The following SND1 variants were observed in gnomAD, a reference collection of about 807,000 sequenced individuals.
SND1 encodes the protein staphylococcal nuclease domain-containing protein 1.
SND1 carries 38 observed loss-of-function variants against 121.7 expected under a neutral mutation model. The observed-to-expected ratio is 0.31, with a 90% CI of 0.24 to 0.41. The LOEUF (loss-of-function observed/expected upper bound fraction) is 0.41. Ranked by LOEUF, SND1 falls within the 10% of genes least tolerant of loss-of-function variation. The pLI, the probability that SND1 is intolerant of heterozygous loss-of-function variation, is 1.00. For missense variants in SND1, 868 were observed against 1,184.6 expected, an observed-to-expected ratio of 0.73 and a Z score of 3.92; for synonymous variants, 401 against 447.4, an observed-to-expected ratio of 0.90 and a Z score of 1.31.
At chr7:127,807,677 C>T in intron 11 of SND1, 104 bp downstream of exon 11, 3 of 830,910 alleles carry the variant, frequency 3.6e-6, no homozygotes, top group Non-Finnish European at 6.2e-6. Context: ...GATGACACTT[C>T]TCCATCAAGT....
chr7:128,055,099 G>T (rs952579399), intron 16 of SND1, among the ~76,000 whole-genome samples: 1 of 152,134 alleles, frequency 6.6e-6, no homozygotes, highest in Non-Finnish European at 1.5e-5. Context: ...TATAAACTTC[G>T]TGGTTTTGTT....
chr7:127,903,241 C>T (rs1270549488), intron 13 of SND1, among the ~76,000 whole-genome samples: 1 of 151,910 alleles, frequency 6.6e-6, no homozygotes, highest in Non-Finnish European at 1.5e-5. Context: ...CCAGACTGGT[C>T]TCGAACTCCT....
At chr7:127,910,287 CA>C (rs1334894638) in intron 14 of SND1, among the ~76,000 whole-genome samples, 1 of 151,606 alleles carries the variant, frequency 6.6e-6, no homozygotes, top group African/African-American at 2.4e-5. Context: ...TAAAAAATAC[CA>C]AAAAAATTAG....
In SND1 at chr7:128,087,040, G is replaced by T. The variant is rs1198546040; in HGVS notation, c.2407G>T (p.Val803Leu). Residue 803 changes from valine (V) to leucine (L), a missense_variant, in exon 21 of 24, where the codon GTG (valine) becomes TTG (leucine). Physicochemically the swap from Val to Leu is conservative, Grantham distance 32. Around this residue, in one of 2 missense-constraint regions of SND1, gnomAD observed 743 missense variants for 1,071.3 expected, o/e 0.69. Transcript: ENST00000354725. ...ATEYAFAFIQ[V>L]PQDDDARTDA... Reference sequence around the variant, plus strand: ...GGAGTATGCCTTCGCCTTCATCCAGGTGCCCCAAGATGTGAGTCTGGAGTC... The same window carrying T: ...GGAGTATGCCTTCGCCTTCATCCAGTTGCCCCAAGATGTGAGTCTGGAGTC... 1 of 1,613,904 alleles carries T rather than the reference G, an allele frequency of 6.2e-7. No homozygotes were observed. The highest frequency in any genetic ancestry group is 2.2e-5 in the East Asian group (1 of 44,882).
chr7:127,848,874 G>A (rs1003419484), intron 12 of SND1, among the ~76,000 whole-genome samples: 5 of 152,094 alleles, frequency 3.3e-5, no homozygotes, highest in African/African-American at 1.2e-4. Context: ...GGAAGGAGTC[G>A]CATCACAGGA....
chr7:127,752,882 G>A (rs990490185), intron 10 of SND1, among the ~76,000 whole-genome samples: 4 of 152,194 alleles, frequency 2.6e-5, no homozygotes, highest in Non-Finnish European at 5.9e-5. Flanking sequence ...GCCAGGTTAT[G>A]TTTACTGACC....
At chr7:127,837,575 G>A (rs370831736) in intron 11 of SND1, among the ~76,000 whole-genome samples, 2 of 152,180 alleles carry the variant, frequency 1.3e-5, no homozygotes, top group African/African-American at 4.8e-5. Context: ...GTTCCACAAC[G>A]GCTAATGTCT....
chr7:127,926,442 G>A (rs1289485030), intron 14 of SND1, among the ~76,000 whole-genome samples: 1 of 151,446 alleles, frequency 6.6e-6, no homozygotes, highest in Non-Finnish European at 1.5e-5. Context: ...CTTGCCTCAA[G>A]AATATGGGGA....
intron 16 of SND1, among the ~76,000 whole-genome samples, chr7:128,072,618 T>C (rs1188033433): frequency 2.0e-5 from 3 of 152,160 alleles, no homozygotes; most frequent in African/African-American, 7.2e-5. Flanking sequence ...AGAGACAGTC[T>C]TCTCATGTAT....
chr7:127,872,094 G>A (rs896903348), intron 12 of SND1, among the ~76,000 whole-genome samples: 7 of 152,122 alleles, frequency 4.6e-5, no homozygotes, highest in East Asian at 1.9e-4. Flanking sequence ...ATTGTGCCAC[G>A]TACTCCAGCC....
At chr7:127,870,192 A>G (rs1361691236) in intron 12 of SND1, among the ~76,000 whole-genome samples, 2 of 152,210 alleles carry the variant, frequency 1.3e-5, no homozygotes, top group African/African-American at 4.8e-5. Flanking sequence ...AGAGGACTGT[A>G]GTAGTCACCA....
At chr7:127,705,020 C>A in intron 8 of SND1, 75 bp downstream of exon 8, 2 of 1,189,964 alleles carry the variant, frequency 1.7e-6, no homozygotes, top group South Asian at 1.3e-5. Flanking sequence ...TGGTGATTTG[C>A]TCACACCCCT....
At chr7:127,859,598 G>C (rs1213210377) in intron 12 of SND1, among the ~76,000 whole-genome samples, 2 of 152,156 alleles carry the variant, frequency 1.3e-5, no homozygotes, top group African/African-American at 4.8e-5. Flanking sequence ...ATTTCTTGAG[G>C]AGAGTAGTAT....
At chr7:127,921,174 C>A (rs1434153597) in intron 14 of SND1, among the ~76,000 whole-genome samples, 1 of 152,056 alleles carries the variant, frequency 6.6e-6, no homozygotes, top group African/African-American at 2.4e-5. Context: ...CTTAGTAGAA[C>A]TTTTTTCTTT....
intron 17 of SND1, among the ~76,000 whole-genome samples, chr7:128,079,295 A>T (rs749558667): frequency 3.9e-5 from 6 of 152,248 alleles, no homozygotes; most frequent in Non-Finnish European, 5.9e-5. Flanking sequence ...CCACTTCCCC[A>T]CATGGGCAGG....
chr7:127,902,866 A>G (rs1419677059), intron 13 of SND1, among the ~76,000 whole-genome samples: 6 of 151,666 alleles, frequency 4.0e-5, no homozygotes, highest in Non-Finnish European at 8.8e-5. Context: ...GGTGTGTGCC[A>G]CCACACCTGG....
chr7:127,953,286 C>G (rs1327784006), intron 15 of SND1, among the ~76,000 whole-genome samples: 1 of 151,040 alleles, frequency 6.6e-6, no homozygotes, highest in Non-Finnish European at 1.5e-5. Flanking sequence ...ACATCAAGAT[C>G]TGCTAATGGG....
intron 10 of SND1, among the ~76,000 whole-genome samples, chr7:127,758,512 G>A (rs1369385249): frequency 6.6e-6 from 1 of 152,036 alleles, no homozygotes; most frequent in Non-Finnish European, 1.5e-5. Context: ...GGGGATTTTT[G>A]CATATATGAC....
chr7:127,729,612 C>T (rs1796639817), intron 10 of SND1, among the ~76,000 whole-genome samples: 1 of 151,970 alleles, frequency 6.6e-6, no homozygotes, highest in African/African-American at 2.4e-5. Flanking sequence ...ATTTAAGTTC[C>T]TTGTGTACTT....
Sources: allele counts gnomAD v4.1 joint callset (sites outside exome capture counted in the v4.1 genomes callset), GRCh38; gene constraint gnomAD v4.1.1; regional missense constraint gnomAD v4.1.1; transcripts MANE v1.5; gene names NCBI Gene and HGNC (gene_info 2026-07-23, HGNC 2026-07-21).